ADAM2: variants seen among roughly 807,000 people sequenced by gnomAD.
ADAM2 encodes the protein ADAM metallopeptidase domain 2, also known as disintegrin and metalloproteinase domain-containing protein 2.
In ADAM2, 101 loss-of-function variants were observed where a neutral mutation model predicts 99.3. That is an observed-to-expected ratio of 1.02 (90% CI 0.87 to 1.20). The LOEUF is 1.20. ADAM2 is among the 50% of genes most tolerant of loss of function. The probability of loss-of-function intolerance (pLI) is 0.00; values close to 1 mark genes in which losing one functional copy is unlikely to be tolerated. For synonymous variants in ADAM2, 323 were observed against 287.6 expected (o/e 1.12, Z -1.25); for missense variants, 948 against 878.7 (o/e 1.08, Z -1.00).
intron 7 of ADAM2, among the ~76,000 whole-genome samples, chr8:39,790,617 T>C (rs1219532985): frequency 6.6e-6 from 1 of 152,016 alleles, no homozygotes; most frequent in African/African-American, 2.4e-5. Flanking sequence ...ATTGTTATTA[T>C]TGTTTGCACA....
At chr8:39,803,220 G>A (rs1055063024) in intron 7 of ADAM2, among the ~76,000 whole-genome samples, 1 of 152,186 alleles carries the variant, frequency 6.6e-6, no homozygotes, top group Non-Finnish European at 1.5e-5. Context: ...CGGTATCACT[G>A]AGTCTGGCAA....
intron 3 of ADAM2, among the ~76,000 whole-genome samples, chr8:39,831,444 G>T (rs1263324751): frequency 2.0e-5 from 3 of 152,152 alleles, no homozygotes; most frequent in Non-Finnish European, 2.9e-5. Context: ...GGAAGATAAA[G>T]TTCACTCAAA....
At chr8:39,760,925 A>G (rs1417253117) in intron 15 of ADAM2, among the ~76,000 whole-genome samples, 1 of 149,804 alleles carries the variant, frequency 6.7e-6, no homozygotes, top group African/African-American at 2.5e-5. Flanking sequence ...AAGTAATAGC[A>G]TGCACAATAA....
At chr8:39,753,389 T>C (rs1423573729) in intron 16 of ADAM2, among the ~76,000 whole-genome samples, 1 of 147,354 alleles carries the variant, frequency 6.8e-6, no homozygotes, top group Non-Finnish European at 1.5e-5. Flanking sequence ...AAGCAAAGCA[T>C]AAAAGTTGGA....
intron 18 of ADAM2, among the ~76,000 whole-genome samples, chr8:39,748,499 A>ATT (rs1823564397): frequency 6.6e-6 from 1 of 152,230 alleles, no homozygotes; most frequent in Non-Finnish European, 1.5e-5. Context: ...TACTGGAATT[A>ATT]ATAACTACCT....
At chr8:39,824,957 AT>A in intron 3 of ADAM2, 60 bp from the exon 4 acceptor site, 1 of 761,448 alleles carries the variant, frequency 1.3e-6, no homozygotes, top group Non-Finnish European at 2.3e-6. Context: ...TGAAACATTT[AT>A]TTTATTAATT....
rs375047861 is a variant in ADAM2, at chr8:39,818,249, T to C, written c.513+2753A>G. Among the ~76,000 whole-genome samples, 4 of 152,070 alleles carry C rather than the reference T, an allele frequency of 2.6e-5. No homozygotes were observed. The East Asian group carries it at 5.8e-4, about 22-fold the overall frequency. On this transcript the variant is annotated intron_variant, in intron 6 of 20. Transcript: ENST00000265708. The stretch of plus-strand genomic sequence containing the variant: ...TGCACTATAACAAAGAGAGACTGGA[T>C]ACAAGGTTAGTTTAATAATCAAAAG...
chr8:39,775,068 G>A (rs930173566), intron 11 of ADAM2, among the ~76,000 whole-genome samples: 2 of 151,966 alleles, frequency 1.3e-5, no homozygotes, highest in Non-Finnish European at 2.9e-5. Flanking sequence ...TTCTTTCTGC[G>A]GGGCCCACAG....
At chr8:39,804,346 A>G (rs986696522) in intron 7 of ADAM2, among the ~76,000 whole-genome samples, 2 of 152,342 alleles carry the variant, frequency 1.3e-5, no homozygotes, top group African/African-American at 4.8e-5. Context: ...GACGGTAATC[A>G]TGAAACCATA....
chr8:39,825,002 G>A (rs930687216), intron 3 of ADAM2, 105 bp from the exon 4 acceptor site: 9 of 625,838 alleles, frequency 1.4e-5, no homozygotes, highest in African/African-American at 1.3e-4. Flanking sequence ...AAGAGCAAGA[G>A]AAACAGAGGG....
chr8:39,757,484 C>T (rs771901391), intron 15 of ADAM2, among the ~76,000 whole-genome samples: 2 of 152,048 alleles, frequency 1.3e-5, no homozygotes, highest in Non-Finnish European at 2.9e-5. Flanking sequence ...TATTAAAATA[C>T]GGGTCTAATG....
chr8:39,837,970 T>C (rs1805907116), intron 1 of ADAM2, among the ~76,000 whole-genome samples, 161 bp downstream of exon 1: 1 of 151,986 alleles, frequency 6.6e-6, no homozygotes, highest in Non-Finnish European at 1.5e-5. Flanking sequence ...TCTACGTGGA[T>C]TTTGGGTGGG....
intron 7 of ADAM2, among the ~76,000 whole-genome samples, chr8:39,791,943 C>G (rs1426234448): frequency 6.6e-6 from 1 of 152,062 alleles, no homozygotes; most frequent in Non-Finnish European, 1.5e-5. Flanking sequence ...ACTAGGATTC[C>G]TGTGTTAGGA....
chr8:39,803,473 C>T (rs929444597), intron 7 of ADAM2, among the ~76,000 whole-genome samples: 2 of 152,110 alleles, frequency 1.3e-5, no homozygotes, highest in Admixed American at 6.6e-5. Flanking sequence ...TGTTTTATCC[C>T]GTACAAGCAG....
intron 7 of ADAM2, among the ~76,000 whole-genome samples, chr8:39,793,685 C>G (rs553651032): frequency 6.6e-6 from 1 of 152,056 alleles, no homozygotes; most frequent in Non-Finnish European, 1.5e-5. Flanking sequence ...GGTATGGCAG[C>G]CTCATGTGCT....
At chr8:39,831,254 AAAC>A (rs1805606347) in intron 3 of ADAM2, among the ~76,000 whole-genome samples, 2 of 78,972 alleles carry the variant, frequency 2.5e-5, no homozygotes, top group African/African-American at 9.4e-5. Flanking sequence ...TGAAAACTCT[AAAC>A]TATATCTCAG....
At chr8:39,761,650 G>A (rs560342501) in intron 14 of ADAM2, among the ~76,000 whole-genome samples, 1 of 152,266 alleles carries the variant, frequency 6.6e-6, no homozygotes, top group African/African-American at 2.4e-5. Context: ...GTCTTTTCAA[G>A]TCAAACAACT....
chr8:39,799,262 A>T (rs1002269866), intron 7 of ADAM2, among the ~76,000 whole-genome samples: 2 of 152,192 alleles, frequency 1.3e-5, no homozygotes, highest in Non-Finnish European at 2.9e-5. Context: ...GGTTTCCAAG[A>T]ACTTCTTGAT....
At chr8:39,778,776 T>C (rs1464081201) in intron 10 of ADAM2, among the ~76,000 whole-genome samples, 3 of 152,062 alleles carry the variant, frequency 2.0e-5, no homozygotes, top group Non-Finnish European at 2.9e-5. Flanking sequence ...AGGGAATAAA[T>C]TGAAGGATTC....
Sources: allele counts gnomAD v4.1 joint callset (sites outside exome capture counted in the v4.1 genomes callset), GRCh38; gene constraint gnomAD v4.1.1; transcripts MANE v1.5; gene names NCBI Gene and HGNC (gene_info 2026-07-23, HGNC 2026-07-21).